RALYL: variants seen among roughly 807,000 people sequenced by gnomAD.
The protein encoded by RALYL is RALY RNA binding protein like.
A neutral mutation model predicts 35.1 loss-of-function variants in RALYL; 29 were observed. The observed-to-expected ratio is 0.83, with a 90% CI of 0.61 to 1.13. The LOEUF (loss-of-function observed/expected upper bound fraction) is 1.13. Ranked by LOEUF, RALYL falls within the 50% of genes most tolerant of loss-of-function variation. The pLI is 0.00. For synonymous variants in RALYL, 120 were observed against 127.6 expected (o/e 0.94, Z 0.40); for missense variants, 359 against 360.4 (o/e 1.00, Z 0.03).
In RALYL at chr8:84,894,246, A is replaced by G. The variant is rs554630708; in HGVS notation, c.858+6470A>G. Among the ~76,000 whole-genome samples the G allele has an allele frequency of 2.0e-5, 3 of 152,262 alleles. No homozygotes were observed. In the South Asian group the frequency reaches 6.2e-4, roughly 32 times the overall value. On this transcript the variant is annotated intron_variant, in intron 8 of 8. Coordinates refer to ENST00000521268, the MANE Select transcript of RALYL (RefSeq NM_173848.7). Reference sequence around the variant, plus strand: ...CTTCACCTGGATGATCCCCCTTATCAACTGCGCTTCTCTTTCTTTTTCTTA... The same window carrying G: ...CTTCACCTGGATGATCCCCCTTATCGACTGCGCTTCTCTTTCTTTTTCTTA...
At chr8:84,359,807 T>A (rs752178582) in intron 1 of RALYL, among the ~76,000 whole-genome samples, 169 of 152,100 alleles carry the variant, frequency 1.1e-3, no homozygotes, top group Admixed American at 2.4e-3. Context: ...CCCTGTGTTA[T>A]TCAATAGCCA....
chr8:84,749,149 C>T (rs1021004713), intron 2 of RALYL, among the ~76,000 whole-genome samples: 1 of 152,066 alleles, frequency 6.6e-6, no homozygotes, highest in African/African-American at 2.4e-5. Context: ...GAAATCCAGA[C>T]ACAGGAATCC....
intron 2 of RALYL, among the ~76,000 whole-genome samples, chr8:84,744,272 C>T (rs1174444075): frequency 6.6e-6 from 1 of 151,940 alleles, no homozygotes; most frequent in Non-Finnish European, 1.5e-5. Flanking sequence ...TCCTGTCATC[C>T]CTAGCCCCAC....
At chr8:84,880,994 T>A (rs1287573511) in intron 7 of RALYL, among the ~76,000 whole-genome samples, 1 of 151,794 alleles carries the variant, frequency 6.6e-6, no homozygotes, top group East Asian at 1.9e-4. Context: ...TTATATAATA[T>A]CTCTACTAAA....
chr8:84,331,665 T>A (rs1846845195), intron 1 of RALYL, among the ~76,000 whole-genome samples: 1 of 152,126 alleles, frequency 6.6e-6, no homozygotes, highest in Non-Finnish European at 1.5e-5. Context: ...AATTAGTTTT[T>A]TCCCAAGATA....
chr8:84,381,734 G>T (rs1858029526), intron 1 of RALYL, among the ~76,000 whole-genome samples: 1 of 151,610 alleles, frequency 6.6e-6, no homozygotes, highest in Non-Finnish European at 1.5e-5. Context: ...ACCTGTTTTT[G>T]TCCCTCATCA....
intron 1 of RALYL, among the ~76,000 whole-genome samples, chr8:84,246,689 A>G (rs1829167783): frequency 6.6e-6 from 1 of 152,174 alleles, no homozygotes; most frequent in African/African-American, 2.4e-5. Flanking sequence ...TTCTGCTTAG[A>G]GGACTGATTG....
At chr8:84,503,614 G>A (rs1450235088) in intron 1 of RALYL, among the ~76,000 whole-genome samples, 1 of 152,082 alleles carries the variant, frequency 6.6e-6, no homozygotes, top group Non-Finnish European at 1.5e-5. Context: ...ACTTTGGGAG[G>A]CCAAGGAGGG....
At chr8:84,487,132 G>A (rs1171530515) in intron 1 of RALYL, among the ~76,000 whole-genome samples, 1 of 151,946 alleles carries the variant, frequency 6.6e-6, no homozygotes, top group Non-Finnish European at 1.5e-5. Flanking sequence ...AGAATACAGT[G>A]CTTTATTTCA....
chr8:84,327,635 G>C (rs1422322706), intron 1 of RALYL, among the ~76,000 whole-genome samples: 1 of 151,762 alleles, frequency 6.6e-6, no homozygotes, highest in Non-Finnish European at 1.5e-5. Flanking sequence ...GACGGAGGTG[G>C]TATGACCCAC....
chr8:84,515,596 A>G (rs2134518629), intron 1 of RALYL, among the ~76,000 whole-genome samples: 1 of 152,326 alleles, frequency 6.6e-6, no homozygotes. Context: ...AATATCTTCT[A>G]GATGGTGTCT....
intron 8 of RALYL, among the ~76,000 whole-genome samples, chr8:84,911,102 C>G (rs916235349): frequency 1.2e-4 from 18 of 152,028 alleles, no homozygotes; most frequent in African/African-American, 4.1e-4. Context: ...AGCAAGATGG[C>G]AGAATAGGAA....
intron 1 of RALYL, among the ~76,000 whole-genome samples, chr8:84,400,109 C>G (rs1369408543): frequency 6.6e-6 from 1 of 151,248 alleles, no homozygotes; most frequent in African/African-American, 2.4e-5. Flanking sequence ...GAGTGAGACT[C>G]TGTCTCAAAA....
intron 1 of RALYL, among the ~76,000 whole-genome samples, chr8:84,525,953 C>CT (rs35794329): frequency 0.03 from 3,126 of 104,648 alleles, 81 homozygotes; most frequent in Non-Finnish European, 0.039. Context: ...TTTCTTTTTT[C>CT]TTTTTTTTTT....
At chr8:84,669,999 C>G (rs1832895794) in intron 2 of RALYL, among the ~76,000 whole-genome samples, 1 of 152,080 alleles carries the variant, frequency 6.6e-6, no homozygotes, top group African/African-American at 2.4e-5. Flanking sequence ...TCAAAACACC[C>G]CCAAGGGGAT....
intron 1 of RALYL, among the ~76,000 whole-genome samples, chr8:84,252,194 T>G (rs1206130646): frequency 6.6e-6 from 1 of 152,138 alleles, no homozygotes; most frequent in African/African-American, 2.4e-5. Context: ...GAGAGAAACC[T>G]CCGCATTTTC....
At chr8:84,644,106 T>C (rs1043293096) in intron 2 of RALYL, among the ~76,000 whole-genome samples, 2 of 151,958 alleles carry the variant, frequency 1.3e-5, no homozygotes, top group Non-Finnish European at 2.9e-5. Context: ...GAGAGGCATG[T>C]GGTGTTTCAA....
chr8:84,437,221 A>G (rs2047833291), intron 1 of RALYL, among the ~76,000 whole-genome samples: 1 of 152,136 alleles, frequency 6.6e-6, no homozygotes, highest in African/African-American at 2.4e-5. Flanking sequence ...ATAGCTGTGT[A>G]GCATTTCATG....
chr8:84,270,184 C>T (rs1024925631), intron 1 of RALYL, among the ~76,000 whole-genome samples: 4 of 152,134 alleles, frequency 2.6e-5, no homozygotes, highest in Admixed American at 1.3e-4. Flanking sequence ...TTTACACCTG[C>T]ACATACCAGG....
Sources: gnomAD v4.1 joint callset for allele counts (sites outside exome capture counted in the v4.1 genomes callset) on GRCh38, gnomAD v4.1.1 for gene constraint, MANE v1.5 for transcripts, NCBI Gene and HGNC (gene_info 2026-07-23, HGNC 2026-07-21) for gene names.